Variants in GRIK2 observed in about 807,000 individuals in gnomAD.
GRIK2 encodes glutamate ionotropic receptor kainate type subunit 2.
GRIK2 carries 32 observed loss-of-function variants against 100.3 expected under a neutral mutation model. That is an observed-to-expected ratio of 0.32 (90% CI 0.24 to 0.43). GRIK2 has a LOEUF of 0.43. Ranked by LOEUF, GRIK2 falls within the 20% of genes least tolerant of loss-of-function variation. GRIK2 has a pLI of 1.00. For synonymous variants in GRIK2, 417 were observed against 389.4 expected (o/e 1.07, Z -0.83); for missense variants, 843 against 1,114.9 (o/e 0.76, Z 3.47).
intron 14 of GRIK2, 116 bp downstream of exon 14, chr6:101,928,748 T>C: frequency 3.1e-6 from 2 of 649,504 alleles, no homozygotes; most frequent in South Asian, 1.8e-5. Flanking sequence ...TTCTTAATAA[T>C]AGCATATACC....
intron 2 of GRIK2, among the ~76,000 whole-genome samples, chr6:101,547,652 T>A (rs192482614): frequency 6.6e-6 from 1 of 152,182 alleles, no homozygotes. Context: ...CATGAACTCA[T>A]CATTTTTCAT....
intron 9 of GRIK2, among the ~76,000 whole-genome samples, chr6:101,817,853 C>A (rs1781728244): frequency 6.6e-6 from 1 of 152,160 alleles, no homozygotes; most frequent in Non-Finnish European, 1.5e-5. Context: ...TTTTAAATCT[C>A]CAAAGATAAT....
At chr6:101,485,147 T>C (rs1247649255) in intron 2 of GRIK2, among the ~76,000 whole-genome samples, 2 of 152,164 alleles carry the variant, frequency 1.3e-5, no homozygotes, top group Non-Finnish European at 2.9e-5. Flanking sequence ...TATATCTTAC[T>C]CCAAATGATG....
intron 7 of GRIK2, among the ~76,000 whole-genome samples, chr6:101,750,469 A>G (rs1776717569): frequency 6.6e-6 from 1 of 152,218 alleles, no homozygotes. Flanking sequence ...TAAGGTAAAT[A>G]AAAGCATCAA....
chr6:101,743,936 G>A (rs922729396), intron 7 of GRIK2, among the ~76,000 whole-genome samples: 4 of 151,868 alleles, frequency 2.6e-5, no homozygotes, highest in Non-Finnish European at 5.9e-5. Context: ...GTACACTGTA[G>A]CAATATGTAG....
chr6:101,824,077 C>T (rs1227605384), intron 10 of GRIK2, among the ~76,000 whole-genome samples: 2 of 151,652 alleles, frequency 1.3e-5, no homozygotes, highest in East Asian at 1.9e-4. Context: ...TTTGTAGAGA[C>T]GGTGACCATG....
chr6:102,027,986 C>A (rs1769791241), intron 14 of GRIK2, among the ~76,000 whole-genome samples: 1 of 151,010 alleles, frequency 6.6e-6, no homozygotes. Context: ...AATTGCAAAG[C>A]ACTATTCTTA....
At chr6:101,748,481 G>A (rs1394779416) in intron 7 of GRIK2, among the ~76,000 whole-genome samples, 1 of 151,976 alleles carries the variant, frequency 6.6e-6, no homozygotes, top group African/African-American at 2.4e-5. Flanking sequence ...ATATCAAATT[G>A]CCATTTTTTG....
At chr6:101,793,107 G>A (rs546097013) in intron 7 of GRIK2, among the ~76,000 whole-genome samples, 8 of 151,908 alleles carry the variant, frequency 5.3e-5, no homozygotes, top group South Asian at 4.2e-4. Context: ...TTATACATTC[G>A]TCTAAATTTT....
chr6:101,626,547 C>G lies in GRIK2; in HGVS notation c.451C>G (p.Pro151Ala), dbSNP rs1780450135. 1 of 1,613,706 alleles carries G rather than the reference C, an allele frequency of 6.2e-7. No individual in the cohort carries two copies. Among genetic ancestry groups the G allele is most frequent in the Non-Finnish European group, 8.5e-7 (1 of 1,179,644 alleles). ...AGATTCCTTCTATGTCAGTCTCTACCCAGACTTCTCTTCACTCAGCCGTGC... is the reference window on the plus strand; with the variant it reads ...AGATTCCTTCTATGTCAGTCTCTACGCAGACTTCTCTTCACTCAGCCGTGC... The part of the protein sequence containing the change: ...NKDSFYVSLY[P>A]DFSSLSRAIL... Residue 151 changes from proline to alanine, a missense_variant, in exon 4 of 17, where the codon CCA (proline) becomes GCA (alanine). Pro to Ala is a conservative substitution (Grantham distance 27). Around this residue, in one of 3 missense-constraint regions of GRIK2, gnomAD observed 519 missense variants for 643.8 expected, o/e 0.81. Transcript: ENST00000369134.
Position 101,821,990 on chromosome 6 carries a change from A to G in GRIK2, c.1317+3507A>G, listed in dbSNP as rs969767539. On this transcript the variant is annotated intron_variant, in intron 10 of 16. Coordinates refer to ENST00000369134, the MANE Select transcript of GRIK2 (RefSeq NM_021956.5). ...ACGTGTCTTTAAAAAATGATGAGGT[A>G]TTCTGGAATTCAGCACTATCCACAA... 5.3e-5 allele frequency among the ~76,000 whole-genome samples: 8 copies of G among 152,202 alleles called. No individual in the cohort carries two copies. In the East Asian group the frequency reaches 1.4e-3, roughly 26 times the overall value.
chr6:101,506,774 G>T (rs550191687), intron 2 of GRIK2, among the ~76,000 whole-genome samples: 1 of 152,206 alleles, frequency 6.6e-6, no homozygotes, highest in South Asian at 2.1e-4. Context: ...TGGGATCTGT[G>T]AATTGGGTAA....
At chr6:102,064,510 G>A (rs1176390509) in intron 16 of GRIK2, among the ~76,000 whole-genome samples, 1 of 139,108 alleles carries the variant, frequency 7.2e-6, no homozygotes, top group South Asian at 2.2e-4. Context: ...TCTTTTTTTA[G>A]TATAACCAGG....
intron 2 of GRIK2, among the ~76,000 whole-genome samples, chr6:101,520,611 C>T (rs974147465): frequency 6.6e-6 from 1 of 152,094 alleles, no homozygotes; most frequent in South Asian, 2.1e-4. Flanking sequence ...TGACCAAGAA[C>T]TTCTTGTTTA....
chr6:101,926,492 T>TA (rs1005217081), intron 13 of GRIK2, among the ~76,000 whole-genome samples: 2 of 152,106 alleles, frequency 1.3e-5, no homozygotes, highest in East Asian at 1.9e-4. Context: ...ACTTATATTT[T>TA]AAAAAAATAT....
chr6:101,778,760 A>G (rs1189012966), intron 7 of GRIK2, among the ~76,000 whole-genome samples: 1 of 152,132 alleles, frequency 6.6e-6, no homozygotes, highest in African/African-American at 2.4e-5. Context: ...TATTGTCTTC[A>G]TACTTTTTTC....
chr6:102,014,800 G>A (rs1795746151), intron 14 of GRIK2, among the ~76,000 whole-genome samples: 1 of 152,054 alleles, frequency 6.6e-6, no homozygotes. Flanking sequence ...CCCTGAGAGT[G>A]GTTGGTATGA....
At chr6:101,653,727 A>T (rs977265752) in intron 4 of GRIK2, among the ~76,000 whole-genome samples, 4 of 151,712 alleles carry the variant, frequency 2.6e-5, no homozygotes, top group African/African-American at 7.3e-5. Flanking sequence ...GGTTCAAGCA[A>T]TTCTGCCTCA....
intron 16 of GRIK2, among the ~76,000 whole-genome samples, chr6:102,059,046 G>GAAAAC (rs1332038546): frequency 6.6e-6 from 1 of 151,186 alleles, no homozygotes; most frequent in Non-Finnish European, 1.5e-5. Context: ...AAATACTAGT[G>GAAAAC]AAAACAAATA....
Sources: gnomAD v4.1 joint callset for allele counts (sites outside exome capture counted in the v4.1 genomes callset) on GRCh38, gnomAD v4.1.1 for gene constraint, gnomAD v4.1.1 regional missense constraint, MANE v1.5 for transcripts, NCBI Gene and HGNC (gene_info 2026-07-23, HGNC 2026-07-21) for gene names.